Variants in VAT1L observed in about 807,000 individuals in gnomAD.
VAT1L encodes putative NADPH-dependent quinone oxidoreductase VAT1L.
VAT1L carries 34 observed loss-of-function variants against 44.1 expected under a neutral mutation model. The observed-to-expected ratio is 0.77, with a 90% confidence interval of 0.59 to 1.03. VAT1L has a LOEUF of 1.03. Among genes scored for constraint, VAT1L ranks in the 50% least tolerant of loss-of-function variants. The pLI, the probability that VAT1L is intolerant of heterozygous loss-of-function variation, is 0.00. For synonymous variants in VAT1L, 253 were observed against 202.2 expected (o/e 1.25, Z -2.13); for missense variants, 615 against 538.8 (o/e 1.14, Z -1.40).
chr16:77,928,259 C>T (rs931126001), intron 7 of VAT1L, among the ~76,000 whole-genome samples: 1 of 152,158 alleles, frequency 6.6e-6, no homozygotes, highest in African/African-American at 2.4e-5. Context: ...CACCAGGCTT[C>T]CCTCTAGCAA....
chr16:77,940,014 G>T (rs532582390), intron 7 of VAT1L, among the ~76,000 whole-genome samples: 1 of 152,294 alleles, frequency 6.6e-6, no homozygotes, highest in Non-Finnish European at 1.5e-5. Context: ...GTTAATCAGT[G>T]CATCAAGGTT....
intron 7 of VAT1L, among the ~76,000 whole-genome samples, chr16:77,934,920 T>C (rs2017775140): frequency 6.6e-6 from 1 of 152,102 alleles, no homozygotes; most frequent in Non-Finnish European, 1.5e-5. Flanking sequence ...TGGGGAACAA[T>C]TTCACAGCAG....
At chr16:77,837,931 T>A (rs1001922743) in intron 3 of VAT1L, among the ~76,000 whole-genome samples, 5 of 152,194 alleles carry the variant, frequency 3.3e-5, no homozygotes, top group African/African-American at 1.2e-4. Context: ...CAGCGATACT[T>A]TGGCATTTAC....
intron 7 of VAT1L, among the ~76,000 whole-genome samples, chr16:77,934,221 G>C (rs138394495): frequency 6.6e-6 from 1 of 152,208 alleles, no homozygotes; most frequent in African/African-American, 2.4e-5. Flanking sequence ...CGTAAAGATT[G>C]AGGGGAAGAA....
chr16:77,802,131 T>A (rs1341897001), intron 1 of VAT1L, among the ~76,000 whole-genome samples: 1 of 152,222 alleles, frequency 6.6e-6, no homozygotes, highest in Non-Finnish European at 1.5e-5. Flanking sequence ...CCTCAGCATC[T>A]CTGTCCTCAG....
intron 7 of VAT1L, among the ~76,000 whole-genome samples, chr16:77,894,664 TA>T (rs1260547482): frequency 2.0e-5 from 3 of 152,220 alleles, no homozygotes; most frequent in South Asian, 4.2e-4. Context: ...CTGAATATGC[TA>T]AAAAAATGGA....
chr16:77,797,394 A>C (rs915002565), intron 1 of VAT1L, among the ~76,000 whole-genome samples: 10 of 152,260 alleles, frequency 6.6e-5, no homozygotes, highest in African/African-American at 2.4e-4. Flanking sequence ...TACAGGCGTG[A>C]GCCACCGCGC....
chr16:77,880,378 T>A (rs2142457441), intron 6 of VAT1L, among the ~76,000 whole-genome samples: 1 of 152,172 alleles, frequency 6.6e-6, no homozygotes, highest in South Asian at 2.1e-4. Flanking sequence ...CAGGCTGGTT[T>A]TGAATTCCCG....
intron 3 of VAT1L, among the ~76,000 whole-genome samples, chr16:77,851,849 A>G (rs1447939293): frequency 6.6e-6 from 1 of 152,156 alleles, no homozygotes; most frequent in Non-Finnish European, 1.5e-5. Context: ...GCCTGACTCC[A>G]AAGTCCATAT....
chr16:77,952,756 G>T (rs762983150), intron 7 of VAT1L, among the ~76,000 whole-genome samples: 2 of 151,438 alleles, frequency 1.3e-5, no homozygotes, highest in East Asian at 3.9e-4. Context: ...TACTCAGGAG[G>T]CTGAGGCAGG....
chr16:77,949,172 A>G (rs1252788863), intron 7 of VAT1L, among the ~76,000 whole-genome samples: 3 of 152,194 alleles, frequency 2.0e-5, no homozygotes, highest in Non-Finnish European at 4.4e-5. Context: ...GAGACCTCGA[A>G]TGATGCAGTG....
chr16:77,828,770 G>A lies in VAT1L; in HGVS notation c.579+3309G>A, dbSNP rs560405352. On this transcript the variant is annotated intron_variant, in intron 3 of 8. Transcript: ENST00000302536. ...TGGCTCTGATGGAGGAGGAGGCTGTGAACCAAGGAAGCAGGTGGCCTCTAG... is the reference window on the plus strand; with the variant it reads ...TGGCTCTGATGGAGGAGGAGGCTGTAAACCAAGGAAGCAGGTGGCCTCTAG... Among the ~76,000 whole-genome samples, 112 of 152,320 alleles carry A rather than the reference G, an allele frequency of 7.4e-4. 1 individual carries two copies. The highest frequency in any genetic ancestry group is 2.7e-3 in the African/African-American group (111 of 41,570).
chr16:77,837,013 A>G (rs2016646957), intron 3 of VAT1L, among the ~76,000 whole-genome samples: 1 of 151,932 alleles, frequency 6.6e-6, no homozygotes, highest in South Asian at 2.1e-4. Flanking sequence ...TAAGTAACTT[A>G]TTCCAGGTCA....
At chr16:77,873,935 A>C (rs1296639819) in intron 4 of VAT1L, among the ~76,000 whole-genome samples, 1 of 152,160 alleles carries the variant, frequency 6.6e-6, no homozygotes, top group African/African-American at 2.4e-5. Flanking sequence ...GGAAGTGCAC[A>C]GGAGTTTATA....
At position 77,917,334 on chromosome 16, in the gene VAT1L, A is replaced by G. The variant is rs537833205; in HGVS notation, c.1077+32532A>G. On this transcript the variant is annotated intron_variant, in intron 7 of 8. Transcript: ENST00000302536. ...ATGTAGCCATTATGTGGAAAGGCAT[A>G]GCTGTGCTCCATAATTTCCCGGAAA... Among the ~76,000 whole-genome samples, 51 of 152,320 alleles carry G rather than the reference A, an allele frequency of 3.3e-4. 1 individual carries two copies. Among genetic ancestry groups the G allele is most frequent in the Middle Eastern group, 3.4e-3 (1 of 294 alleles).
chr16:77,806,598 C>T (rs1293164855), intron 1 of VAT1L, among the ~76,000 whole-genome samples: 3 of 152,246 alleles, frequency 2.0e-5, no homozygotes, highest in Non-Finnish European at 2.9e-5. Context: ...CCGCCTCGGC[C>T]TCCCAAAGTG....
At chr16:77,883,785 A>G (rs2017179980) in intron 6 of VAT1L, among the ~76,000 whole-genome samples, 1 of 151,924 alleles carries the variant, frequency 6.6e-6, no homozygotes, top group Non-Finnish European at 1.5e-5. Context: ...TCTTCATCCG[A>G]TGGATCCCTA....
intron 3 of VAT1L, among the ~76,000 whole-genome samples, chr16:77,857,956 A>G (rs1035029433): frequency 8.6e-5 from 13 of 152,014 alleles, no homozygotes; most frequent in Non-Finnish European, 1.8e-4. Context: ...CTACAACACT[A>G]AAGGACATGA....
intron 7 of VAT1L, among the ~76,000 whole-genome samples, chr16:77,911,634 C>T (rs2017500463): frequency 6.6e-6 from 1 of 152,172 alleles, no homozygotes; most frequent in Non-Finnish European, 1.5e-5. Context: ...AATGTGCCAC[C>T]AGATTGCACT....
Sources: allele counts gnomAD v4.1 joint callset (sites outside exome capture counted in the v4.1 genomes callset), GRCh38; gene constraint gnomAD v4.1.1; transcripts MANE v1.5; gene names NCBI Gene and HGNC (gene_info 2026-07-23, HGNC 2026-07-21).